Variants in CSMD1 observed in about 807,000 individuals in gnomAD.
CSMD1 encodes CUB and sushi domain-containing protein 1.
Under a neutral mutation model 417.5 loss-of-function variants are expected in CSMD1, and 213 were observed. That is an observed-to-expected ratio of 0.51 (90% CI 0.46 to 0.57). The LOEUF (loss-of-function observed/expected upper bound fraction) is 0.57, where lower values mean the gene tolerates loss of function less well. Ranked by LOEUF, CSMD1 falls within the 20% of genes least tolerant of loss-of-function variation. The pLI is 0.00. For missense variants in CSMD1, 6,923 were observed against 4,529.7 expected (o/e 1.53, Z -15.17); for synonymous variants, 2,862 against 1,736.8 (o/e 1.65, Z -16.11).
intron 1 of CSMD1, among the ~76,000 whole-genome samples, chr8:4,655,063 A>T (rs891294470): frequency 6.6e-6 from 1 of 151,168 alleles, no homozygotes; most frequent in African/African-American, 2.4e-5. Context: ...AAATCTTTGT[A>T]AATCATTTGT....
intron 5 of CSMD1, among the ~76,000 whole-genome samples, chr8:3,765,101 G>C (rs866232658): frequency 2.6e-5 from 4 of 152,090 alleles, no homozygotes; most frequent in African/African-American, 9.7e-5. Context: ...CTTAAAAAGA[G>C]GTCAACTGTC....
chr8:3,082,977 G>C (rs1814217624), intron 49 of CSMD1, among the ~76,000 whole-genome samples: 1 of 152,216 alleles, frequency 6.6e-6, no homozygotes, highest in African/African-American at 2.4e-5. Flanking sequence ...GGGTGGCGAA[G>C]ACGTGGTGAT....
At chr8:3,257,643 G>C (rs2081279) in intron 26 of CSMD1, among the ~76,000 whole-genome samples, 2 of 151,842 alleles carry the variant, frequency 1.3e-5, no homozygotes, top group South Asian at 2.1e-4. Flanking sequence ...TCAGCCTTGC[G>C]GGTACCTGGG....
At chr8:4,529,967 T>C (rs1002633805) in intron 2 of CSMD1, among the ~76,000 whole-genome samples, 1 of 151,848 alleles carries the variant, frequency 6.6e-6, no homozygotes, top group African/African-American at 2.4e-5. Flanking sequence ...CAGGCTGGAG[T>C]GCAGTGGCGA....
intron 1 of CSMD1, among the ~76,000 whole-genome samples, chr8:4,974,090 G>C (rs1247149164): frequency 6.6e-6 from 1 of 152,072 alleles, no homozygotes; most frequent in East Asian, 1.9e-4. Flanking sequence ...GTGCGATCTT[G>C]GCTCACTGCA....
intron 3 of CSMD1, among the ~76,000 whole-genome samples, chr8:4,139,027 A>G (rs1803612852): frequency 6.6e-6 from 1 of 152,170 alleles, no homozygotes; most frequent in Non-Finnish European, 1.5e-5. Flanking sequence ...CATATGCTGC[A>G]TGTTTCAGCA....
chr8:3,791,717 G>C (rs1457345592), intron 5 of CSMD1, among the ~76,000 whole-genome samples: 1 of 152,154 alleles, frequency 6.6e-6, no homozygotes, highest in African/African-American at 2.4e-5. Flanking sequence ...CAGCAACTCA[G>C]GAGGCTGAAG....
At chr8:3,489,979 GTCTA>G (rs1818277383) in intron 11 of CSMD1, among the ~76,000 whole-genome samples, 1 of 152,176 alleles carries the variant, frequency 6.6e-6, no homozygotes, top group Non-Finnish European at 1.5e-5. Flanking sequence ...AACTATTCCA[GTCTA>G]TCTGTCATTT....
At chr8:3,784,614 C>T (rs541279977) in intron 5 of CSMD1, among the ~76,000 whole-genome samples, 265 of 152,128 alleles carry the variant, frequency 1.7e-3, no homozygotes, top group African/African-American at 6.2e-3. Context: ...TAGCAAAGAA[C>T]AGAAAAATGA....
intron 10 of CSMD1, among the ~76,000 whole-genome samples, chr8:3,546,864 G>T (rs952005231): frequency 2.6e-5 from 4 of 152,200 alleles, no homozygotes; most frequent in Non-Finnish European, 5.9e-5. Context: ...TGAAATATTG[G>T]AAAAACGATG....
chr8:4,827,536 G>C (rs191555101), intron 1 of CSMD1, among the ~76,000 whole-genome samples: 38 of 152,242 alleles, frequency 2.5e-4, no homozygotes, highest in Non-Finnish European at 4.4e-4. Context: ...CAAGTTTCTT[G>C]GGAACACTTT....
chr8:3,308,528 G>C, intron 23 of CSMD1, 25 bp from the exon 24 acceptor site: 1 of 1,586,912 alleles, frequency 6.3e-7, no homozygotes, highest in South Asian at 1.1e-5. Flanking sequence ...GGCAAGGAAT[G>C]AACAGAACTC....
At chr8:3,490,197 C>T (rs1187930303) in intron 11 of CSMD1, among the ~76,000 whole-genome samples, 1 of 152,102 alleles carries the variant, frequency 6.6e-6, no homozygotes. Context: ...TGATTAAATG[C>T]CCAGCTGATC....
chr8:3,548,302 T>C (rs998481293), intron 10 of CSMD1, among the ~76,000 whole-genome samples: 2 of 152,148 alleles, frequency 1.3e-5, no homozygotes, highest in Non-Finnish European at 2.9e-5. Flanking sequence ...AATTATTATT[T>C]TTTATTTCCA....
rs374730017 is a variant in CSMD1 at position 3,454,821 on chromosome 8, T to C, written c.1561+13891A>G. The stretch of plus-strand genomic sequence containing the variant: ...TTGCTCTTCTCGAGGAGTATCTTTG[T>C]GGCATTCTCTGTATTTCCTGAATTT... On this transcript the variant is annotated intron_variant, in intron 12 of 69. Coordinates refer to ENST00000635120, the MANE Select transcript of CSMD1 (RefSeq NM_033225.6). 5.9e-4 allele frequency among the ~76,000 whole-genome samples: 90 copies of C among 152,310 alleles called. No individual in the cohort carries two copies. The South Asian group carries it at 0.017, about 29-fold the overall frequency.
In CSMD1 at chr8:3,367,039, T is replaced by G. The variant is rs4875703; in HGVS notation, c.3108A>C (p.Thr1036=). The change falls in exon 20 of 70, where the codon ACA becomes ACC. Residue 1036 remains threonine, a synonymous_variant. Transcript: ENST00000635120. ...FSISYEGFNI[T]FSEYDLEPCD... ...CAAACAAGACCAACATACCTGAAAATGTGATATTGAAGCCCTCGTACGAAA... is the reference window on the plus strand; with the variant it reads ...CAAACAAGACCAACATACCTGAAAAGGTGATATTGAAGCCCTCGTACGAAA... 92 of 1,611,026 alleles carry G rather than the reference T, an allele frequency of 5.7e-5. 2 individuals carry two copies. The South Asian group carries it at 8.8e-4, about 15-fold the overall frequency.
chr8:3,243,248 G>A lies in CSMD1; in HGVS notation c.4154-13017C>T, dbSNP rs546637495. On this transcript the variant is annotated intron_variant, in intron 26 of 69. Coordinates refer to ENST00000635120, the MANE Select transcript of CSMD1 (RefSeq NM_033225.6). ...GTGGTGGTAGGTGGATCTTTTTCAC[G>A]GAGCAAAGAGCAGGAGAACAGGGGA... Among the ~76,000 whole-genome samples, 17 of 152,182 alleles carry A rather than the reference G, an allele frequency of 1.1e-4. 1 individual carries two copies. In the South Asian group the frequency reaches 3.5e-3, roughly 32 times the overall value.
intron 1 of CSMD1, among the ~76,000 whole-genome samples, chr8:4,771,722 G>A (rs767409164): frequency 5.3e-5 from 8 of 152,206 alleles, no homozygotes; most frequent in Non-Finnish European, 1.2e-4. Flanking sequence ...CAGGCTAGCG[G>A]AGGGAGAAGT....
chr8:3,990,580 T>A (rs1001467790), intron 5 of CSMD1, among the ~76,000 whole-genome samples: 1 of 152,232 alleles, frequency 6.6e-6, no homozygotes, highest in African/African-American at 2.4e-5. Context: ...GTCCCAAATT[T>A]CAAATACGTA....
Sources: gnomAD v4.1 joint callset for allele counts (sites outside exome capture counted in the v4.1 genomes callset) on GRCh38, gnomAD v4.1.1 for gene constraint, MANE v1.5 for transcripts, NCBI Gene and HGNC (gene_info 2026-07-23, HGNC 2026-07-21) for gene names.